Variants in VWA7 observed in about 807,000 individuals in gnomAD.
VWA7 encodes von Willebrand factor A domain containing 7.
Under a neutral mutation model 83.1 loss-of-function variants are expected in VWA7, and 66 were observed. The ratio of observed to expected loss-of-function variants is 0.79; its 90% CI spans 0.65 to 0.98. The LOEUF (loss-of-function observed/expected upper bound fraction) is 0.98, where lower values mean the gene tolerates loss of function less well. Among genes scored for constraint, VWA7 ranks in the 50% least tolerant of loss-of-function variants. VWA7 has a pLI of 0.00. For synonymous variants in VWA7, 424 were observed against 488.5 expected (o/e 0.87, Z 1.74); for missense variants, 1,080 against 1,160.2 (o/e 0.93, Z 1.00).
In VWA7 at chr6:31,765,676, G is replaced by T; in HGVS notation, c.2594C>A (p.Ala865Asp). The T allele has an allele frequency of 1.2e-6, 2 of 1,603,920 alleles. No individual in the cohort carries two copies. Among genetic ancestry groups the T allele is most frequent in the Non-Finnish European group, 1.7e-6 (2 of 1,175,520 alleles). Residue 865 changes from alanine to aspartate, a missense_variant, in exon 17 of 17, where the codon GCT becomes GAT. Transcript: ENST00000375688. The stretch of plus-strand genomic sequence containing the variant: ...GCTGCCCGCAGCCAGCCCTGCCCCA[G>T]CCCTGCCTTGAGTCACCAATGTGAA... ...SPFTLVTQGR[A>D]GAGLAAGSPW...
chr6:31,770,371 C>T (rs977142656), intron 7 of VWA7, among the ~76,000 whole-genome samples: 7 of 151,504 alleles, frequency 4.6e-5, no homozygotes, highest in African/African-American at 9.7e-5. Context: ...GAAACCTCGT[C>T]TCTACTAAAA....
chr6:31,766,610 C>G lies in VWA7; in HGVS notation c.2037G>C (p.Glu679Asp). 1 of 1,613,066 alleles carries G rather than the reference C, an allele frequency of 6.2e-7. No individual in the cohort carries two copies. The highest frequency in any genetic ancestry group is 2.2e-5 in the East Asian group (1 of 44,878). ...ACAGCGAGGCTGCGAGGAGACCTCG[C>G]TCCGGAGGTCCCACGGGCTCCAAGG... ...QVPLEPVGPP[E>D]RGLLAASLSP... The change falls in exon 14 of 17, where the codon GAG becomes GAC. Residue 679 changes from glutamate (E) to aspartate (D), a missense_variant. Coordinates refer to ENST00000375688, the MANE Select transcript of VWA7 (RefSeq NM_025258.3). The surrounding 1 kb of genome is among the most constrained non-coding windows in gnomAD (Gnocchi z 4.9).
chr6:31,773,283 G>C lies in VWA7; in HGVS notation c.876C>G (p.Phe292Leu). Residue 292 changes from phenylalanine (F) to leucine (L), a missense_variant, in exon 6 of 17, where the codon TTC becomes TTG. Phe to Leu is a conservative substitution (Grantham distance 22, BLOSUM62 0). Transcript: ENST00000375688. This position sits in a 1 kb window ranked among gnomAD's most constrained non-coding sequence, Gnocchi z 5.3. ...CTCCCAGGCGGCTTCGCAGAAGGCTGAAGGCCTGGATGGAGGCTAGAAGGG... is the reference window on the plus strand; with the variant it reads ...CTCCCAGGCGGCTTCGCAGAAGGCTCAAGGCCTGGATGGAGGCTAGAAGGG... ...KLALLASIQA[F>L]SLLRSRLGDR... The C allele has an allele frequency of 6.2e-7, 1 of 1,608,176 alleles. No individual in the cohort carries two copies. The highest frequency in any genetic ancestry group is 8.5e-7 in the Non-Finnish European group (1 of 1,177,580).
At position 31,767,206 on chromosome 6, in the gene VWA7, C is replaced by G. The variant is rs1225151786; in HGVS notation, c.1834G>C (p.Glu612Gln). 6.2e-7 allele frequency: 1 copy of G among 1,604,418 alleles called. No individual in the cohort carries two copies. Among genetic ancestry groups the G allele is most frequent in the Non-Finnish European group, 8.5e-7 (1 of 1,177,024 alleles). ...DFLFHFGIPM[E>Q]DGPHPGLYPL... ...TAGAGGCCAGGGTGGGGTCCATCCT[C>G]CATGGGGATCCCAAAGTGGAAGAGG... Residue 612 changes from glutamate to glutamine, a missense_variant, in exon 13 of 17, where the codon GAG becomes CAG. Transcript: ENST00000375688.
In VWA7 at chr6:31,776,370, C is replaced by T. The variant is rs1812690262; in HGVS notation, c.235-128G>A. The stretch of plus-strand genomic sequence containing the variant: ...TGAGCCCCACAAAGGAGGGACAGTC[C>T]CGGACCTTTCTAAGGAGGGGGACTC... On this transcript the variant is annotated intron_variant, in intron 2 of 16. Transcript: ENST00000375688. The surrounding 1 kb of genome is among the most constrained non-coding windows in gnomAD (Gnocchi z 6.2). 3.6e-6 allele frequency: 5 copies of T among 1,377,962 alleles called. 1 individual carries two copies. In the South Asian group the frequency reaches 4.2e-5, roughly 12 times the overall value. The allele number at this position is 1,377,962 out of a possible 1,614,324, so 85.4% of individuals were successfully genotyped here. A position where few individuals can be genotyped will look rare whatever the true frequency, so the allele number is the denominator to read the frequency against.
chr6:31,775,390 G>T lies in VWA7; in HGVS notation c.553C>A (p.Gln185Lys). The T allele has an allele frequency of 6.2e-7, 1 of 1,612,438 alleles. No homozygotes were observed. The highest frequency in any genetic ancestry group is 8.5e-7 in the Non-Finnish European group (1 of 1,179,734). Residue 185 changes from glutamine to lysine, a missense_variant, in exon 4 of 17, where the codon CAG (glutamine) becomes AAG (lysine). Transcript: ENST00000375688. The surrounding 1 kb of genome is among the most constrained non-coding windows in gnomAD (Gnocchi z 5.9). Reference protein sequence around the residue: ...SHSNWVELGEQQPHPHLLWPR... With the variant: ...SHSNWVELGEKQPHPHLLWPR... Reference sequence around the variant, plus strand: ...CAGAGGAGGTGAGGGTGTGGCTGCTGCTCGCCCAGCTCCACCCAGTTGCTA... The same window carrying T: ...CAGAGGAGGTGAGGGTGTGGCTGCTTCTCGCCCAGCTCCACCCAGTTGCTA...
At chr6:31,767,543 A>G (rs1044240802) in intron 11 of VWA7, 29 bp from the exon 12 acceptor site, 1 of 1,601,014 alleles carries the variant, frequency 6.2e-7, no homozygotes, top group Middle Eastern at 1.7e-4. Flanking sequence ...TTGTCACATG[A>G]AGCACTTGCT....
rs765113768 is a variant in VWA7 at position 31,766,518 on chromosome 6, C to T, written c.2129G>A (p.Arg710Gln). 4 of 1,607,832 alleles carry T rather than the reference C, an allele frequency of 2.5e-6. No individual in the cohort carries two copies. The highest frequency in any genetic ancestry group is 1.7e-5 in the Admixed American group (1 of 59,650). The change falls in exon 14 of 17, where the codon CGG (arginine) becomes CAG (glutamine). Residue 710 changes from arginine (R) to glutamine (Q), a missense_variant. Coordinates refer to ENST00000375688, the MANE Select transcript of VWA7 (RefSeq NM_025258.3). This position sits in a 1 kb window ranked among gnomAD's most constrained non-coding sequence, Gnocchi z 4.9. ...CTGAGGGGCAGCCCTGTGCAGGCGC[C>T]GCCCCGCTGCGTCCTGGCCAATCAG... ...LELIGQDAAG[R>Q]RLHRAAPQPS...
In VWA7 at chr6:31,769,140, AC is replaced by A; in HGVS notation, c.1380del (p.Leu460PhefsTer20). ...TTGTATGGCTCAAAACGCAGAGGGG[AC>A]AAGATCTCACGCCGAGCTCGACCCT... ...RVQGRARREILSPLRFEPYKA... is the reference protein window; with the variant it reads ...RVQGRARREIXSPLRFEPYKA... On this transcript the variant is annotated frameshift_variant, in exon 10 of 17. Transcript: ENST00000375688. LOFTEE classifies it high-confidence loss of function. The surrounding 1 kb of genome is among the most constrained non-coding windows in gnomAD (Gnocchi z 4.5). 6.2e-7 allele frequency: 1 copy of A among 1,613,080 alleles called. No individual in the cohort carries two copies. Among genetic ancestry groups the A allele is most frequent in the Non-Finnish European group, 8.5e-7 (1 of 1,180,032 alleles).
Position 31,773,578 on chromosome 6 carries a change from G to A in VWA7, c.722-141C>T. The A allele has an allele frequency of 1.1e-6, 1 of 881,282 alleles. No homozygotes were observed. The highest frequency in any genetic ancestry group is 2.7e-5 in the East Asian group (1 of 36,760). The allele number at this position is 881,282 out of a possible 1,614,324, so 54.6% of individuals were successfully genotyped here. On this transcript the variant is annotated intron_variant, in intron 5 of 16. Coordinates refer to ENST00000375688, the MANE Select transcript of VWA7 (RefSeq NM_025258.3). The surrounding 1 kb of genome is among the most constrained non-coding windows in gnomAD (Gnocchi z 5.3). ...GAAATGATGACGGGGTTGGCGCGGT[G>A]GCTCACGCCTGGAATCCCAGCGCTT...
chr6:31,774,602 C>T lies in VWA7; in HGVS notation c.635G>A (p.Cys212Tyr). ...AQVADPTCSD[C>Y]EELSCPRNWL... ...ATTCCTGGGGCAGCTCAACTCCTCG[C>T]AATCGGAGCAGGTAGGATCGGCCAC... The change falls in exon 5 of 17, where the codon TGC (cysteine) becomes TAC (tyrosine). Residue 212 changes from cysteine (C) to tyrosine (Y), a missense_variant. By Grantham distance (194) the Cys-to-Tyr change is radical. Transcript: ENST00000375688. 2 of 1,612,616 alleles carry T rather than the reference C, an allele frequency of 1.2e-6. No homozygotes were observed. Among genetic ancestry groups the T allele is most frequent in the Non-Finnish European group, 1.7e-6 (2 of 1,179,882 alleles).
At position 31,776,239 on chromosome 6, in the gene VWA7, G is replaced by T. The variant is rs753188143; in HGVS notation, c.238C>A (p.Arg80=). 5.0e-6 allele frequency: 8 copies of T among 1,610,604 alleles called. No individual in the cohort carries two copies. Among genetic ancestry groups the T allele is most frequent in the Non-Finnish European group, 5.9e-6 (7 of 1,177,688 alleles). The part of the protein sequence containing the change: ...PPLRLEDFLG[R]TLLADDLFAA... The stretch of plus-strand genomic sequence containing the variant: ...AAGAGGTCATCAGCAAGGAGTGTTC[G>T]ACCCTGGGGAGAATAGCGGGCGACG... Residue 80 remains arginine, a synonymous_variant, in exon 3 of 17, where the codon CGA becomes AGA. Coordinates refer to ENST00000375688, the MANE Select transcript of VWA7 (RefSeq NM_025258.3). The surrounding 1 kb of genome is among the most constrained non-coding windows in gnomAD (Gnocchi z 6.2).
Position 31,776,935 on chromosome 6 carries a change from C to A in VWA7, c.-15-141G>T. 2.1e-6 allele frequency: 1 copy of A among 487,150 alleles called. No individual in the cohort carries two copies. The highest frequency in any genetic ancestry group is 4.0e-5 in the South Asian group (1 of 25,154). The allele number at this position is 487,150 out of a possible 1,614,324, so 30.2% of individuals were successfully genotyped here. A position where few individuals can be genotyped will look rare whatever the true frequency, so the allele number is the denominator to read the frequency against. On this transcript the variant is annotated intron_variant, in intron 1 of 16. Transcript: ENST00000375688. The surrounding 1 kb of genome is among the most constrained non-coding windows in gnomAD (Gnocchi z 6.2). ...TGGCTTCCCCACCCTCTCGCTGTCA[C>A]CCAGACAACCTGAGGGCCTCATCGG...
In VWA7 at chr6:31,766,840, A is replaced by C; in HGVS notation, c.1883-76T>G. The C allele has an allele frequency of 1.3e-6, 2 of 1,492,482 alleles. No homozygotes were observed. The highest frequency in any genetic ancestry group is 1.8e-6 in the Non-Finnish European group (2 of 1,107,234). The allele number at this position is 1,492,482 out of a possible 1,614,324, so 92.5% of individuals were successfully genotyped here. ...GAGAAAAGAATTAATGGCCTTCAAA[A>C]TAGGGGTTCCCTCTGGGGAGTATGG... On this transcript the variant is annotated intron_variant, in intron 13 of 16. Coordinates refer to ENST00000375688, the MANE Select transcript of VWA7 (RefSeq NM_025258.3). This position sits in a 1 kb window ranked among gnomAD's most constrained non-coding sequence, Gnocchi z 4.9.
At position 31,765,915 on chromosome 6, in the gene VWA7, G is replaced by A; in HGVS notation, c.2467C>T (p.Leu823Phe). ...ANPVPPTHAF[L>F]RLLVSAPAPQ... ...GCTGGGGCCGATACCAGGAGCCGGA[G>A]GAAAGCATGAGTCGGGGGTACTGGG... The change falls in exon 16 of 17, where the codon CTC becomes TTC. Residue 823 changes from leucine to phenylalanine, a missense_variant. Transcript: ENST00000375688. The A allele has an allele frequency of 2.5e-6, 4 of 1,613,148 alleles. No homozygotes were observed. Among genetic ancestry groups the A allele is most frequent in the Non-Finnish European group, 3.4e-6 (4 of 1,180,044 alleles).
rs1279664418 is a variant in VWA7, at chr6:31,773,049, T to G, written c.992A>C (p.Asn331Thr). The change falls in exon 7 of 17, where the codon AAC (asparagine) becomes ACC (threonine). Residue 331 changes from asparagine (N) to threonine (T), a missense_variant. By Grantham distance (65) the Asn-to-Thr change is moderately conservative. Transcript: ENST00000375688. The surrounding 1 kb of genome is among the most constrained non-coding windows in gnomAD (Gnocchi z 5.3). ...DTTGSMGEEI[N>T]AAKIQARHLV... ...GTGGCGAGCCTGGATTTTGGCAGCG[T>G]TGATCTCCTCACCCATGCTGCCCGT... 2 of 1,612,484 alleles carry G rather than the reference T, an allele frequency of 1.2e-6. No individual in the cohort carries two copies. The highest frequency in any genetic ancestry group is 1.7e-6 in the Non-Finnish European group (2 of 1,179,876).
chr6:31,771,394 A>C (rs571898606), intron 7 of VWA7: 1 of 152,456 alleles, frequency 6.6e-6, no homozygotes, highest in Admixed American at 6.5e-5. Context: ...GCACTTATAC[A>C]TCCAGATGGC....
Position 31,776,760 on chromosome 6 carries a change from G to A in VWA7, c.20C>T (p.Pro7Leu). MLPTEVPQSHPGPSALL... is the reference protein window; with the variant it reads MLPTEVLQSHPGPSALL... ...CGCTGAGGGGCCCGGGTGGGATTGG[G>A]GGACCTCCGTGGGGAGCATGGCTGA... Residue 7 changes from proline (P) to leucine (L), a missense_variant, in exon 2 of 17, where the codon CCC becomes CTC. Coordinates refer to ENST00000375688, the MANE Select transcript of VWA7 (RefSeq NM_025258.3). This position sits in a 1 kb window ranked among gnomAD's most constrained non-coding sequence, Gnocchi z 6.2. 1.4e-6 allele frequency: 2 copies of A among 1,450,058 alleles called. No homozygotes were observed. The highest frequency in any genetic ancestry group is 9.1e-7 in the Non-Finnish European group (1 of 1,095,334). 89.8% of individuals were successfully genotyped at this position (1,450,058 alleles called of 1,614,324 possible). A position where few individuals can be genotyped will look rare whatever the true frequency, so the allele number is the denominator to read the frequency against.
At chr6:31,767,868 C>G in intron 10 of VWA7, 114 bp from the exon 11 acceptor site, 4 of 1,284,156 alleles carry the variant, frequency 3.1e-6, no homozygotes, top group Non-Finnish European at 4.2e-6. Flanking sequence ...CGCAGTTGGT[C>G]ACGCCTGTAA....
Sources: allele counts gnomAD v4.1 joint callset (sites outside exome capture counted in the v4.1 genomes callset), GRCh38; gene constraint gnomAD v4.1.1; non-coding constraint Gnocchi (gnomAD v3.1); transcripts MANE v1.5; gene names NCBI Gene and HGNC (gene_info 2026-07-23, HGNC 2026-07-21).